KALRN: variants seen among roughly 807,000 people sequenced by gnomAD.
The protein encoded by KALRN is kalirin.
A neutral mutation model predicts 353.7 loss-of-function variants in KALRN; 70 were observed. The observed-to-expected ratio is 0.20, with a 90% CI of 0.16 to 0.24. The LOEUF is 0.24. KALRN is among the 10% of genes least tolerant of loss of function. The pLI is 1.00. For synonymous variants in KALRN, 1,391 were observed against 1,434.8 expected, an observed-to-expected ratio of 0.97 and a Z score of 0.69; for missense variants, 2,791 against 3,756.7, an observed-to-expected ratio of 0.74 and a Z score of 6.72.
chr3:124,249,436 G>A (rs1436469786), intron 3 of KALRN, among the ~76,000 whole-genome samples: 1 of 152,226 alleles, frequency 6.6e-6, no homozygotes, highest in African/African-American at 2.4e-5. Flanking sequence ...GGAGCTTAAA[G>A]GCAGGAAGAA....
chr3:124,097,026 G>A (rs1275158658), intron 1 of KALRN, among the ~76,000 whole-genome samples: 1 of 152,240 alleles, frequency 6.6e-6, no homozygotes, highest in Non-Finnish European at 1.5e-5. Flanking sequence ...AGTAGCTCTT[G>A]ACTGTGTAGG....
intron 1 of KALRN, among the ~76,000 whole-genome samples, chr3:124,079,460 A>G (rs189155224): frequency 5.8e-4 from 88 of 152,300 alleles, no homozygotes; most frequent in African/African-American, 2.1e-3. Flanking sequence ...TTTTATTTTT[A>G]AAGGTATTAA....
chr3:124,286,077 TCC>T, intron 5 of KALRN, among the ~76,000 whole-genome samples: 1 of 113,208 alleles, frequency 8.8e-6, no homozygotes, highest in African/African-American at 3.4e-5. Flanking sequence ...TTTCTTTCTT[TCC>T]TTCCTTTCTT....
At chr3:124,523,264 A>C (rs2067309712) in intron 33 of KALRN, among the ~76,000 whole-genome samples, 1 of 152,178 alleles carries the variant, frequency 6.6e-6, no homozygotes, top group African/African-American at 2.4e-5. Context: ...CTATTCTGGG[A>C]TCATTAAAAT....
At chr3:124,173,428 C>A (rs1331607604) in intron 1 of KALRN, among the ~76,000 whole-genome samples, 3 of 152,146 alleles carry the variant, frequency 2.0e-5, no homozygotes, top group Non-Finnish European at 1.5e-5. Flanking sequence ...CTTTCTTAGG[C>A]CTTGCAGAAG....
intron 1 of KALRN, among the ~76,000 whole-genome samples, chr3:124,118,058 C>T (rs1416863828): frequency 6.6e-6 from 1 of 152,186 alleles, no homozygotes; most frequent in African/African-American, 2.4e-5. Context: ...ATCCATCTTG[C>T]CTCCTCTTAG....
intron 48 of KALRN, among the ~76,000 whole-genome samples, 167 bp downstream of exon 48, chr3:124,672,065 T>C (rs2086533252): frequency 6.6e-6 from 1 of 152,208 alleles, no homozygotes; most frequent in Non-Finnish European, 1.5e-5. Flanking sequence ...TTCTCCTGTC[T>C]CAGCCTCCCG....
In KALRN at chr3:124,347,274, C is replaced by CTGTG. The variant is rs61359186; in HGVS notation, c.1770+53_1770+56dup. 0.018 allele frequency: 21,213 copies of CTGTG among 1,152,858 alleles called. 1,716 individuals are homozygous for CTGTG. The highest frequency in any genetic ancestry group is 0.088 in the East Asian group (1,970 of 22,348). The allele number at this position is 1,152,858 out of a possible 1,614,324, so 71.4% of individuals were successfully genotyped here. ...TTGAAGAGGTGGCTCAGGTGAGAAG[C>CTGTG]TGTGTGTGTGTGTGTGTGTGTGTGT... On this transcript the variant is annotated intron_variant, in intron 10 of 59. Coordinates refer to ENST00000682506, the MANE Select transcript of KALRN (RefSeq NM_001388419.1).
At chr3:124,662,178 G>A (rs1335876386) in intron 45 of KALRN, among the ~76,000 whole-genome samples, 2 of 148,300 alleles carry the variant, frequency 1.3e-5, no homozygotes, top group East Asian at 4.0e-4. Flanking sequence ...AAGGAGATTG[G>A]AAAGACCCAG....
rs769615739 is a variant in KALRN, at chr3:124,712,986, T to G, written c.8127T>G (p.Asp2709Glu). The change falls in exon 58 of 60, where the codon GAT becomes GAG. Residue 2709 changes from aspartate to glutamate, a missense_variant. Coordinates refer to ENST00000682506, the MANE Select transcript of KALRN (RefSeq NM_001388419.1). ...KKCIHKATRK[D>E]VAVKFVSKKM... ...GCATTCACAAAGCTACCCGCAAAGA[T>G]GTGGCTGTGAAATTTGTTAGCAAAA... is the stretch of plus-strand genomic sequence containing the variant. The G allele has an allele frequency of 2.5e-6, 4 of 1,614,076 alleles. No homozygotes were observed. The South Asian group carries it at 4.4e-5, about 18-fold the overall frequency.
intron 1 of KALRN, among the ~76,000 whole-genome samples, chr3:124,040,990 T>C (rs1419362844): frequency 7.9e-5 from 12 of 152,210 alleles, no homozygotes; most frequent in Non-Finnish European, 1.8e-4. Flanking sequence ...TCTCTTTCAT[T>C]CATTCATTTA....
intron 1 of KALRN, among the ~76,000 whole-genome samples, chr3:124,141,457 C>A (rs1223464082): frequency 6.6e-6 from 1 of 152,146 alleles, no homozygotes; most frequent in Non-Finnish European, 1.5e-5. Context: ...TTTCCAAATG[C>A]CCTTACCTCT....
chr3:124,360,887 G>A (rs2083963690), intron 10 of KALRN, among the ~76,000 whole-genome samples: 1 of 152,202 alleles, frequency 6.6e-6, no homozygotes, highest in African/African-American at 2.4e-5. Flanking sequence ...CATATAGGAG[G>A]AATGTATGCA....
rs138024659 is a variant in KALRN at position 124,701,035 on chromosome 3, G to A, written c.7996+1002G>A. Among the ~76,000 whole-genome samples the A allele has an allele frequency of 4.2e-3, 647 of 152,300 alleles. 1 individual carries two copies. Among genetic ancestry groups the A allele is most frequent in the African/African-American group, 0.015 (612 of 41,556 alleles). On this transcript the variant is annotated intron_variant, in intron 56 of 59. Coordinates refer to ENST00000682506, the MANE Select transcript of KALRN (RefSeq NM_001388419.1). ...CCAGGCTGTGCTCTGGGAAACCTGA[G>A]GGAACTGGCTCCAGGGTCAGCTGAG... is the stretch of plus-strand genomic sequence containing the variant.
intron 10 of KALRN, among the ~76,000 whole-genome samples, chr3:124,380,676 T>C (rs2087230363): frequency 6.6e-6 from 1 of 152,214 alleles, no homozygotes; most frequent in Non-Finnish European, 1.5e-5. Flanking sequence ...TCAAAAGCTG[T>C]TGTTGATTTG....
chr3:124,071,149 C>T (rs1012921486), intron 1 of KALRN, among the ~76,000 whole-genome samples: 1 of 152,150 alleles, frequency 6.6e-6, no homozygotes, highest in Non-Finnish European at 1.5e-5. Context: ...GCATGGTGTA[C>T]ATGCCTGTGT....
chr3:124,498,196 C>G (rs1170732843), intron 33 of KALRN, among the ~76,000 whole-genome samples: 1 of 152,180 alleles, frequency 6.6e-6, no homozygotes, highest in Non-Finnish European at 1.5e-5. Context: ...CTAGGATGAA[C>G]TCAGCTGGTC....
intron 33 of KALRN, among the ~76,000 whole-genome samples, chr3:124,561,982 C>T (rs1685567181): frequency 6.6e-6 from 1 of 152,188 alleles, no homozygotes; most frequent in African/African-American, 2.4e-5. Flanking sequence ...CAGCATTCAG[C>T]CAGTAGGGGT....
Position 124,526,398 on chromosome 3 carries a change from C to A in KALRN, c.4935+29985C>A, listed in dbSNP as rs1208466210. ...GACCAGCATGGCCAATATAGCGAGA[C>A]CCTATCTCTACCAAAAAAGATACAA... On this transcript the variant is annotated intron_variant, in intron 33 of 59. Transcript: ENST00000682506. 2.6e-5 allele frequency among the ~76,000 whole-genome samples: 4 copies of A among 151,980 alleles called. No homozygotes were observed. In the South Asian group the frequency reaches 8.3e-4, roughly 32 times the overall value.
Sources: allele counts gnomAD v4.1 joint callset (sites outside exome capture counted in the v4.1 genomes callset), GRCh38; gene constraint gnomAD v4.1.1; transcripts MANE v1.5; gene names NCBI Gene and HGNC (gene_info 2026-07-23, HGNC 2026-07-21).